TP53BP1: variants seen among roughly 807,000 people sequenced by gnomAD.
The protein encoded by TP53BP1 is TP53-binding protein 1.
Under a neutral mutation model 200.8 loss-of-function variants are expected in TP53BP1, and 61 were observed. That is an observed-to-expected ratio of 0.30 (90% CI 0.25 to 0.38). The LOEUF (loss-of-function observed/expected upper bound fraction) is 0.38. Ranked by LOEUF, TP53BP1 falls within the 10% of genes least tolerant of loss-of-function variation. The probability of loss-of-function intolerance (pLI) is 1.00; values close to 1 mark genes in which losing one functional copy is unlikely to be tolerated. For missense variants in TP53BP1, 2,144 were observed against 2,371.9 expected, an observed-to-expected ratio of 0.90 and a Z score of 2.00; for synonymous variants, 822 against 844.3, an observed-to-expected ratio of 0.97 and a Z score of 0.46.
chr15:43,497,251 G>A (rs1417748297), upstream of TP53BP1: 1 of 174,354 alleles, frequency 5.7e-6, no homozygotes, highest in African/African-American at 2.4e-5. Flanking sequence ...ATGGTGGTGT[G>A]CACCTGTATT....
chr15:43,415,311 C>T (rs1245857410), intron 23 of TP53BP1: 9 of 455,352 alleles, frequency 2.0e-5, no homozygotes, highest in Middle Eastern at 6.2e-4. Flanking sequence ...TGGGTTCAAG[C>T]GATTCTCCCA....
chr15:43,404,334 C>T lies in TP53BP1; in HGVS notation c.*3049G>A. The stretch of plus-strand genomic sequence containing the variant: ...TTTTGAACAAGGCTTTTCCAAGAAA[C>T]TCCTCCCTCCGCCCCCATCCTCCAT... On this transcript the variant is annotated 3_prime_UTR_variant, in exon 28 of 28. Transcript: ENST00000382044. The T allele has an allele frequency of 6.4e-7, 1 of 1,550,670 alleles. No homozygotes were observed.
intron 1 of TP53BP1, among the ~76,000 whole-genome samples, chr15:43,502,457 GT>G (rs1032945259): frequency 2.6e-5 from 4 of 151,228 alleles, no homozygotes; most frequent in East Asian, 1.9e-4. Flanking sequence ...TCTCATGTTT[GT>G]TTTTTTTCTC....
chr15:43,506,109 T>A (rs2079234812), intron 1 of TP53BP1, among the ~76,000 whole-genome samples: 1 of 152,210 alleles, frequency 6.6e-6, no homozygotes, highest in Non-Finnish European at 1.5e-5. Context: ...GCATCTTTTC[T>A]TTATGAATTG....
Position 43,408,099 on chromosome 15 carries a change from G to C in TP53BP1, c.5601-11C>G. 6.2e-7 allele frequency: 1 copy of C among 1,612,780 alleles called. No homozygotes were observed. Among genetic ancestry groups the C allele is most frequent in the Non-Finnish European group, 8.5e-7 (1 of 1,179,440 alleles). ...TTTTCACGGGGTTGCCTATGAAGGA[G>C]ACAGGAAAGGACCTTAGCATGACAA... On this transcript the variant is annotated splice_polypyrimidine_tract_variant and intron_variant, in intron 26 of 27. Coordinates refer to ENST00000382044, the MANE Select transcript of TP53BP1 (RefSeq NM_001141980.3).
At chr15:43,440,268 A>C (rs1170797488) in intron 15 of TP53BP1, among the ~76,000 whole-genome samples, 1 of 152,126 alleles carries the variant, frequency 6.6e-6, no homozygotes, top group Non-Finnish European at 1.5e-5. Context: ...CATTGTCCTC[A>C]ACACTCTGTC....
Position 43,403,867 on chromosome 15 carries a change from T to C in TP53BP1, c.*3516A>G, listed in dbSNP as rs1359629634. ...GGTGGTTTTGCCAATGGAGAATTCA[T>C]GATCTTTCCTCTGAGTCAGTAAAGC... On this transcript the variant is annotated 3_prime_UTR_variant, in exon 28 of 28. Coordinates refer to ENST00000382044, the MANE Select transcript of TP53BP1 (RefSeq NM_001141980.3). 3 of 1,081,184 alleles carry C rather than the reference T, an allele frequency of 2.8e-6. No homozygotes were observed. The African/African-American group carries it at 4.6e-5, about 17-fold the overall frequency. 67.0% of individuals were successfully genotyped at this position (1,081,184 alleles called of 1,614,324 possible).
chr15:43,502,240 T>C (rs1368000077), intron 1 of TP53BP1, among the ~76,000 whole-genome samples: 1 of 152,026 alleles, frequency 6.6e-6, no homozygotes, highest in Non-Finnish European at 1.5e-5. Flanking sequence ...GGAAGATCAA[T>C]TGAGCCCAGG....
At chr15:43,467,671 A>G (rs557775759) in intron 11 of TP53BP1, among the ~76,000 whole-genome samples, 1 of 152,320 alleles carries the variant, frequency 6.6e-6, no homozygotes, top group South Asian at 2.1e-4. Context: ...TACCTTTCCA[A>G]AGACCATAAA....
At position 43,475,596 on chromosome 15, in the gene TP53BP1, G is replaced by C. The variant is rs769798114; in HGVS notation, c.1054C>G (p.Gln352Glu). The C allele has an allele frequency of 1.2e-5, 20 of 1,613,988 alleles. No homozygotes were observed. Among genetic ancestry groups the C allele is most frequent in the Non-Finnish European group, 1.5e-5 (18 of 1,180,036 alleles). ...AGACTGTCCTGAACAAGGGACCTCTGACCAGAGAGCTGCAGGAGATGCAGA... is the reference window on the plus strand; with the variant it reads ...AGACTGTCCTGAACAAGGGACCTCTCACCAGAGAGCTGCAGGAGATGCAGA... ...TTLHLLQLSG[Q>E]RSLVQDSLST... is the part of the protein sequence containing the mutation. The change falls in exon 9 of 28, where the codon CAG becomes GAG. Residue 352 changes from glutamine to glutamate, a missense_variant. Around this residue, in one of 4 missense-constraint regions of TP53BP1, gnomAD observed 1,700 missense variants for 1,710.3 expected, o/e 0.99. Coordinates refer to ENST00000382044, the MANE Select transcript of TP53BP1 (RefSeq NM_001141980.3).
chr15:43,453,038 C>CA (rs1422949523), intron 12 of TP53BP1, among the ~76,000 whole-genome samples: 1 of 151,628 alleles, frequency 6.6e-6, no homozygotes, highest in Non-Finnish European at 1.5e-5. Flanking sequence ...ACTAAAAATA[C>CA]AAAAAATTAG....
rs1417698046 is a variant in TP53BP1 at position 43,429,327 on chromosome 15, A to T, written c.3676-1159T>A. 2.0e-5 allele frequency among the ~76,000 whole-genome samples: 3 copies of T among 152,140 alleles called. No homozygotes were observed. The East Asian group carries it at 5.8e-4, about 29-fold the overall frequency. On this transcript the variant is annotated intron_variant, in intron 17 of 27. Transcript: ENST00000382044. ...AATTTCAGTCCTGCATTTCTGAAAA[A>T]ATACATGTTTTCTAATAACAACTAT... is the stretch of plus-strand genomic sequence containing the variant.
chr15:43,446,888 G>T (rs1265892859), intron 13 of TP53BP1: 1 of 986,602 alleles, frequency 1.0e-6, no homozygotes, highest in East Asian at 4.1e-5. Flanking sequence ...GACTCCAGAC[G>T]GCATGATTGT....
chr15:43,441,254 A>C (rs544561827), intron 15 of TP53BP1: 1 of 316,128 alleles, frequency 3.2e-6, no homozygotes, highest in Non-Finnish European at 5.8e-6. Flanking sequence ...CTCTTGTATC[A>C]GCAACAGAAA....
chr15:43,473,293 T>C (rs993594009), intron 10 of TP53BP1, among the ~76,000 whole-genome samples: 1 of 152,202 alleles, frequency 6.6e-6, no homozygotes, highest in Non-Finnish European at 1.5e-5. Flanking sequence ...CCTGCTTTTA[T>C]TCTCTTATCT....
intron 23 of TP53BP1, chr15:43,414,256 T>TGACAAA: frequency 2.5e-6 from 1 of 403,034 alleles, no homozygotes; most frequent in Non-Finnish European, 5.1e-6. Context: ...CCAACTTTTC[T>TGACAAA]GTGCCTCAAA....
intron 25 of TP53BP1, 44 bp downstream of exon 25, chr15:43,409,603 C>G (rs1326120981): frequency 9.0e-7 from 1 of 1,110,478 alleles, no homozygotes; most frequent in Non-Finnish European, 1.3e-6. Context: ...CAAGTTGGCT[C>G]TTATCATTGC....
Position 43,405,148 on chromosome 15 carries a change from A to C in TP53BP1, c.*2235T>G. ...GGTTATCCTGATTCATATTTCTTTGAAGGTAGTCTTGGGAAAGCATGACAC... is the reference window on the plus strand; with the variant it reads ...GGTTATCCTGATTCATATTTCTTTGCAGGTAGTCTTGGGAAAGCATGACAC... On this transcript the variant is annotated 3_prime_UTR_variant, in exon 28 of 28. Coordinates refer to ENST00000382044, the MANE Select transcript of TP53BP1 (RefSeq NM_001141980.3). 6.2e-7 allele frequency: 1 copy of C among 1,601,584 alleles called. No homozygotes were observed. The highest frequency in any genetic ancestry group is 2.2e-5 in the East Asian group (1 of 44,810).
At chr15:43,409,977 C>G (rs2045062617) in intron 24 of TP53BP1, among the ~76,000 whole-genome samples, 2 of 152,076 alleles carry the variant, frequency 1.3e-5, no homozygotes, top group African/African-American at 4.8e-5. Flanking sequence ...GGAGGTAGGT[C>G]CTAGACCTAA....
Sources: allele counts gnomAD v4.1 joint callset (sites outside exome capture counted in the v4.1 genomes callset), GRCh38; gene constraint gnomAD v4.1.1; regional missense constraint gnomAD v4.1.1; transcripts MANE v1.5; gene names NCBI Gene and HGNC (gene_info 2026-07-23, HGNC 2026-07-21).